Variants in MMP26 observed in about 807,000 individuals in gnomAD.
The protein encoded by MMP26 is matrix metalloproteinase-26.
In MMP26, 33 loss-of-function variants were observed where a neutral mutation model predicts 31.0. The observed-to-expected ratio is 1.06, with a 90% CI of 0.81 to 1.42. The LOEUF is 1.42. MMP26 is among the 40% of genes most tolerant of loss of function. The pLI is 0.00. For missense variants in MMP26, 347 were observed against 316.1 expected, an observed-to-expected ratio of 1.10 and a Z score of -0.74; for synonymous variants, 122 against 114.9, an observed-to-expected ratio of 1.06 and a Z score of -0.40.
At chr11:4,927,330 T>C (rs10500624) in intron 2 of MMP26, among the ~76,000 whole-genome samples, 20,230 of 152,134 alleles carry the variant, frequency 0.13, 1,470 homozygotes, top group South Asian at 0.18. Flanking sequence ...CATGATACAA[T>C]TTAAGGTGAG....
chr11:4,716,706 G>T (rs1847936468), intron 1 of MMP26, among the ~76,000 whole-genome samples: 1 of 108,580 alleles, frequency 9.2e-6, no homozygotes, highest in South Asian at 3.2e-4. Flanking sequence ...TTGTTGCCCA[G>T]CCTGGAGTGC....
chr11:4,721,756 G>T (rs1848016029), intron 1 of MMP26, among the ~76,000 whole-genome samples: 1 of 152,148 alleles, frequency 6.6e-6, no homozygotes, highest in Non-Finnish European at 1.5e-5. Context: ...TGACCAAAAT[G>T]GACTGCATCA....
intron 2 of MMP26, among the ~76,000 whole-genome samples, chr11:4,843,553 T>G (rs922471017): frequency 6.6e-6 from 1 of 152,264 alleles, no homozygotes; most frequent in Non-Finnish European, 1.5e-5. Context: ...GAACGCAGGG[T>G]GCCATGTCTC....
intron 2 of MMP26, among the ~76,000 whole-genome samples, chr11:4,819,271 T>G (rs1373243811): frequency 1.3e-5 from 2 of 152,172 alleles, no homozygotes; most frequent in Non-Finnish European, 2.9e-5. Context: ...AATTTATTAT[T>G]GTATAGGTGA....
chr11:4,710,322 A>G (rs1159577984), intron 1 of MMP26: 1 of 456,730 alleles, frequency 2.2e-6, no homozygotes, highest in Non-Finnish European at 4.4e-6. Context: ...TGCAGTTGCC[A>G]TCTTCTACAT....
intron 2 of MMP26, among the ~76,000 whole-genome samples, chr11:4,862,349 G>T (rs1022446034): frequency 6.6e-6 from 1 of 152,094 alleles, no homozygotes; most frequent in Non-Finnish European, 1.5e-5. Flanking sequence ...CATATGTAAG[G>T]CATTTATTAA....
At chr11:4,917,179 A>G (rs1467425875) in intron 2 of MMP26, among the ~76,000 whole-genome samples, 1 of 152,080 alleles carries the variant, frequency 6.6e-6, no homozygotes, top group Non-Finnish European at 1.5e-5. Context: ...GTTATTTTTT[A>G]TTTCGCTAAC....
At chr11:4,773,843 T>C (rs1296646472) in intron 2 of MMP26, among the ~76,000 whole-genome samples, 3 of 152,116 alleles carry the variant, frequency 2.0e-5, no homozygotes, top group Admixed American at 6.5e-5. Flanking sequence ...TCTGTGTCCA[T>C]GTGATCTCAT....
At position 4,848,271 on chromosome 11, in the gene MMP26, CT is replaced by C. The variant is rs560507608; in HGVS notation, c.-145+80931del. 1.1e-4 allele frequency: 181 copies of C among 1,612,804 alleles called. No homozygotes were observed. In the African/African-American group the frequency reaches 2.0e-3, roughly 18 times the overall value. On this transcript the variant is annotated intron_variant, in intron 2 of 7. Coordinates refer to ENST00000380390, the MANE Select transcript of MMP26 (RefSeq NM_021801.5). ...ACCACCCACCTTCCTGGGCTGCAAC[CT>C]GTTGAGTATTCTCTTTCTAATCTCC...
At chr11:4,783,360 G>A (rs1459476942) in intron 2 of MMP26, among the ~76,000 whole-genome samples, 2 of 152,224 alleles carry the variant, frequency 1.3e-5, no homozygotes, top group African/African-American at 2.4e-5. Flanking sequence ...TCGGATTTGT[G>A]TGGGGCTTGT....
chr11:4,975,046 C>G (rs1230543906), intron 2 of MMP26, among the ~76,000 whole-genome samples: 1 of 151,976 alleles, frequency 6.6e-6, no homozygotes, highest in African/African-American at 2.4e-5. Flanking sequence ...GTGCAGCAAA[C>G]CACCCTGGCA....
At chr11:4,859,742 C>T (rs1332413620) in intron 2 of MMP26, 1 of 471,084 alleles carries the variant, frequency 2.1e-6, no homozygotes, top group Non-Finnish European at 4.4e-6. Flanking sequence ...ACCATGTGCA[C>T]TACTGGTGAT....
At chr11:4,765,043 G>A (rs144294367) in intron 1 of MMP26, among the ~76,000 whole-genome samples, 7 of 152,232 alleles carry the variant, frequency 4.6e-5, no homozygotes, top group Non-Finnish European at 8.8e-5. Context: ...CTCAAGATTT[G>A]GTTGCTTGGC....
chr11:4,757,012 C>T (rs556645174), intron 1 of MMP26, among the ~76,000 whole-genome samples: 3 of 152,090 alleles, frequency 2.0e-5, no homozygotes, highest in African/African-American at 4.8e-5. Flanking sequence ...AACTGACACT[C>T]ATTCTATAAT....
intron 2 of MMP26, among the ~76,000 whole-genome samples, chr11:4,852,788 T>A (rs1370215894): frequency 6.6e-6 from 1 of 152,172 alleles, no homozygotes; most frequent in Admixed American, 6.5e-5. Flanking sequence ...GAAGCATTAT[T>A]CATAATAGCC....
intron 2 of MMP26, among the ~76,000 whole-genome samples, chr11:4,799,753 G>A (rs1452670887): frequency 6.6e-6 from 1 of 152,276 alleles, no homozygotes; most frequent in Non-Finnish European, 1.5e-5. Context: ...GCATACAATG[G>A]TGGTACAGGC....
chr11:4,721,055 CGG>C (rs1461276907), intron 1 of MMP26, among the ~76,000 whole-genome samples: 2 of 152,172 alleles, frequency 1.3e-5, no homozygotes, highest in Non-Finnish European at 2.9e-5. Context: ...CAGCAGCTTC[CGG>C]TGTCCTAGCC....
intron 1 of MMP26, chr11:4,709,988 T>C (rs772344648): frequency 2.2e-6 from 1 of 456,716 alleles, no homozygotes; most frequent in Non-Finnish European, 4.4e-6. Flanking sequence ...TCTTAACCAA[T>C]TCACGGATTA....
chr11:4,716,812 C>T (rs1847938251), intron 1 of MMP26, among the ~76,000 whole-genome samples: 1 of 151,852 alleles, frequency 6.6e-6, no homozygotes, highest in African/African-American at 2.4e-5. Flanking sequence ...CACGTGTGTG[C>T]CAACATGCCT....
Sources: gnomAD v4.1 joint callset for allele counts (sites outside exome capture counted in the v4.1 genomes callset) on GRCh38, gnomAD v4.1.1 for gene constraint, MANE v1.5 for transcripts, NCBI Gene and HGNC (gene_info 2026-07-23, HGNC 2026-07-21) for gene names.